GALNTL6: variants seen among roughly 807,000 people sequenced by gnomAD.
GALNTL6 encodes polypeptide N-acetylgalactosaminyltransferase-like 6.
In GALNTL6, 46 loss-of-function variants were observed where a neutral mutation model predicts 73.7. That is an observed-to-expected ratio of 0.62 (90% CI 0.49 to 0.80). The LOEUF is 0.80. GALNTL6 is among the 30% of genes least tolerant of loss of function. GALNTL6 has a pLI of 0.00. For missense variants in GALNTL6, 604 were observed against 755.0 expected (o/e 0.80, Z 2.34); for synonymous variants, 259 against 263.7 (o/e 0.98, Z 0.17).
intron 2 of GALNTL6, among the ~76,000 whole-genome samples, chr4:172,218,720 T>C (rs1736574689): frequency 1.3e-5 from 2 of 152,056 alleles, no homozygotes; most frequent in South Asian, 4.1e-4. Flanking sequence ...AGGATGGAGC[T>C]GAAACCAGAA....
intron 2 of GALNTL6, among the ~76,000 whole-genome samples, chr4:171,991,484 CAGA>C (rs767739543): frequency 5.9e-4 from 89 of 151,832 alleles, no homozygotes; most frequent in Non-Finnish European, 1.2e-3. Context: ...ACCTAAAAAA[CAGA>C]AGAAGGAATG....
intron 8 of GALNTL6, among the ~76,000 whole-genome samples, chr4:172,890,053 A>G (rs1172071460): frequency 6.6e-6 from 1 of 152,156 alleles, no homozygotes; most frequent in Admixed American, 6.5e-5. Context: ...AGGTGTTCAT[A>G]ACAGTCTCTA....
chr4:172,507,097 A>G lies in GALNTL6; in HGVS notation c.553+158408A>G, dbSNP rs1236687980. Among the ~76,000 whole-genome samples the G allele has an allele frequency of 9.0e-5, 5 of 55,256 alleles. 2 individuals carry two copies. Among genetic ancestry groups the G allele is most frequent in the Non-Finnish European group, 1.7e-4 (4 of 23,900 alleles). The allele number at this position is 55,256 out of a possible 152,430, so 36.3% of individuals were successfully genotyped here. On this transcript the variant is annotated intron_variant, in intron 5 of 12. Coordinates refer to ENST00000506823, the MANE Select transcript of GALNTL6 (RefSeq NM_001034845.3). ...CTAATGCTAACAAACTAAGGGGGAA[A>G]AAACAGCAAGGCCTATCTGTCTAGA... is the stretch of plus-strand genomic sequence containing the variant.
chr4:172,391,950 A>G (rs1441977487), intron 5 of GALNTL6, among the ~76,000 whole-genome samples: 1 of 152,180 alleles, frequency 6.6e-6, no homozygotes, highest in African/African-American at 2.4e-5. Context: ...AAATAAACTA[A>G]GATAATGCTA....
intron 5 of GALNTL6, among the ~76,000 whole-genome samples, chr4:172,361,135 A>T (rs1233094919): frequency 6.6e-6 from 1 of 152,172 alleles, no homozygotes; most frequent in Admixed American, 6.6e-5. Context: ...TCGCCACTCA[A>T]TATATCTAAA....
chr4:172,401,098 T>G (rs1744018410), intron 5 of GALNTL6, among the ~76,000 whole-genome samples: 1 of 152,142 alleles, frequency 6.6e-6, no homozygotes, highest in Non-Finnish European at 1.5e-5. Flanking sequence ...CTCTTCTCCT[T>G]TTGCAAAGTT....
chr4:172,448,298 A>C (rs1414728810), intron 5 of GALNTL6, among the ~76,000 whole-genome samples: 13 of 152,182 alleles, frequency 8.5e-5, no homozygotes. Context: ...ATTCATAAGC[A>C]CTTTGGAATA....
At chr4:172,124,855 T>C (rs928154961) in intron 2 of GALNTL6, among the ~76,000 whole-genome samples, 3 of 152,094 alleles carry the variant, frequency 2.0e-5, no homozygotes, top group Admixed American at 6.5e-5. Flanking sequence ...AGGGAATACA[T>C]GGCTCTTAGT....
At chr4:172,034,461 A>G (rs1741875116) in intron 2 of GALNTL6, among the ~76,000 whole-genome samples, 1 of 149,358 alleles carries the variant, frequency 6.7e-6, no homozygotes, top group African/African-American at 2.5e-5. Context: ...TAGTTTGGGA[A>G]TAAATAGAAA....
At chr4:172,970,481 T>C (rs1460963217) in intron 10 of GALNTL6, among the ~76,000 whole-genome samples, 1 of 152,180 alleles carries the variant, frequency 6.6e-6, no homozygotes, top group African/African-American at 2.4e-5. Context: ...ATATTTAATA[T>C]TCCTTGCTAG....
At chr4:171,980,567 G>A (rs150608668) in intron 2 of GALNTL6, among the ~76,000 whole-genome samples, 1 of 152,294 alleles carries the variant, frequency 6.6e-6, no homozygotes, top group East Asian at 1.9e-4. Context: ...ATATTTGTAT[G>A]TAAACTGAGA....
At chr4:172,318,225 C>A (rs943606316) in intron 4 of GALNTL6, among the ~76,000 whole-genome samples, 2 of 152,076 alleles carry the variant, frequency 1.3e-5, no homozygotes, top group Admixed American at 6.6e-5. Context: ...ATAACAACAA[C>A]AAAAAATTTA....
intron 2 of GALNTL6, among the ~76,000 whole-genome samples, chr4:172,168,998 T>C (rs1290082727): frequency 1.3e-5 from 2 of 152,314 alleles, no homozygotes; most frequent in Non-Finnish European, 2.9e-5. Flanking sequence ...ATGTATAAAC[T>C]TCAGAAATCA....
chr4:171,963,247 C>T (rs188762417), intron 2 of GALNTL6, among the ~76,000 whole-genome samples: 207 of 152,182 alleles, frequency 1.4e-3, no homozygotes, highest in African/African-American at 4.7e-3. Context: ...GTATGTCCAA[C>T]GGCACAGCAA....
At chr4:171,906,869 T>C (rs1737299099) in intron 2 of GALNTL6, among the ~76,000 whole-genome samples, 1 of 152,162 alleles carries the variant, frequency 6.6e-6, no homozygotes, top group African/African-American at 2.4e-5. Context: ...TAATCCAGCA[T>C]ATAAACAGAA....
intron 2 of GALNTL6, among the ~76,000 whole-genome samples, chr4:172,066,368 C>T (rs1020753039): frequency 6.6e-6 from 1 of 152,028 alleles, no homozygotes; most frequent in Non-Finnish European, 1.5e-5. Flanking sequence ...TTTCAGATTG[C>T]CTTCTTTCTC....
At chr4:172,190,485 G>T (rs1348781630) in intron 2 of GALNTL6, among the ~76,000 whole-genome samples, 1 of 152,054 alleles carries the variant, frequency 6.6e-6, no homozygotes, top group Non-Finnish European at 1.5e-5. Context: ...TGTCATCGAT[G>T]AAGAGGTACA....
intron 2 of GALNTL6, among the ~76,000 whole-genome samples, chr4:171,867,823 C>T (rs765434277): frequency 1.3e-5 from 2 of 152,166 alleles, no homozygotes; most frequent in Non-Finnish European, 2.9e-5. Flanking sequence ...ACCTCTCTAA[C>T]AGCTCACTAC....
intron 2 of GALNTL6, among the ~76,000 whole-genome samples, chr4:171,941,216 A>C (rs574956915): frequency 7.5e-4 from 114 of 152,330 alleles, no homozygotes; most frequent in African/African-American, 2.7e-3. Context: ...TTGTGAGTGA[A>C]GCTTGACTCA....
Sources: allele counts gnomAD v4.1 joint callset (sites outside exome capture counted in the v4.1 genomes callset), GRCh38; gene constraint gnomAD v4.1.1; transcripts MANE v1.5; gene names NCBI Gene and HGNC (gene_info 2026-07-23, HGNC 2026-07-21).